ACTN3: variants seen among roughly 807,000 people sequenced by gnomAD.
The protein encoded by ACTN3 is actinin alpha 3.
Under a neutral mutation model 119.6 loss-of-function variants are expected in ACTN3, and 91 were observed. The observed-to-expected ratio is 0.76, with a 90% confidence interval of 0.64 to 0.91. The LOEUF (loss-of-function observed/expected upper bound fraction) is 0.91. Among genes scored for constraint, ACTN3 ranks in the 40% least tolerant of loss-of-function variants. The probability of loss-of-function intolerance (pLI) is 0.00; values close to 1 mark genes in which losing one functional copy is unlikely to be tolerated. For synonymous variants in ACTN3, 456 were observed against 478.8 expected (o/e 0.95, Z 0.62); for missense variants, 1,221 against 1,215.1 (o/e 1.00, Z -0.07).
In ACTN3 at chr11:66,562,344, C is replaced by T. The variant is rs1266108706; in HGVS notation, c.2388+22C>T. ...CCTGGTGAGAGCTCCCCAGCTCCTT[C>T]CCAGGAGTCCCAAAGTACCCCCTCC... is the stretch of plus-strand genomic sequence containing the variant. On this transcript the variant is annotated intron_variant, in intron 19 of 20. Coordinates refer to ENST00000513398, the MANE Select transcript of ACTN3 (RefSeq NM_001104.4). 1.9e-6 allele frequency: 3 copies of T among 1,610,906 alleles called. No individual in the cohort carries two copies. The African/African-American group carries it at 4.0e-5, about 22-fold the overall frequency.
chr11:66,554,079 C>T lies in ACTN3; in HGVS notation c.417C>T (p.Gly139=), dbSNP rs1233373546. 2 of 1,613,868 alleles carry T rather than the reference C, an allele frequency of 1.2e-6. No individual in the cohort carries two copies. The highest frequency in any genetic ancestry group is 2.2e-5 in the East Asian group (1 of 44,844). ...ACGGGAACCTGAAGATGACCCTGGG[C>T]ATGATCTGGACCATCATCCTTCGCT... ...IVDGNLKMTL[G]MIWTIILRFA... is the part of the protein sequence containing the mutation. The change falls in exon 4 of 21, where the codon GGC becomes GGT. Residue 139 remains glycine (G), a synonymous_variant. Transcript: ENST00000513398.
intron 11 of ACTN3, among the ~76,000 whole-genome samples, chr11:66,558,653 C>A (rs1857659906): frequency 6.6e-6 from 1 of 152,190 alleles, no homozygotes; most frequent in African/African-American, 2.4e-5. Flanking sequence ...CAGGAATGAG[C>A]CACCGCACAC....
chr11:66,556,892 C>G (rs1033989018), intron 8 of ACTN3, among the ~76,000 whole-genome samples: 1 of 152,132 alleles, frequency 6.6e-6, no homozygotes, highest in African/African-American at 2.4e-5. Context: ...TCCCAGGTAG[C>G]TGAGACTACA....
intron 19 of ACTN3, 155 bp downstream of exon 19, chr11:66,562,477 T>TTGGACCCAGTTCTGTG (rs1857803818): frequency 7.7e-6 from 3 of 389,646 alleles, no homozygotes. Flanking sequence ...TAAAACTCAC[T>TTGGACCCAGTTCTGTG]TGGACCCAGT....
intron 3 of ACTN3, among the ~76,000 whole-genome samples, chr11:66,552,851 G>GTCTCTCTCTC (rs564902238): frequency 9.1e-5 from 12 of 131,372 alleles, no homozygotes; most frequent in Middle Eastern, 4.0e-3. Context: ...GAGAGACTCT[G>GTCTCTCTCTC]TCTCTCTCTC....
chr11:66,562,379 A>C, intron 19 of ACTN3, 57 bp downstream of exon 19: 1 of 1,562,218 alleles, frequency 6.4e-7, no homozygotes, highest in Non-Finnish European at 8.8e-7. Flanking sequence ...CTCTGTGCTG[A>C]TCACCTACTG....
chr11:66,558,538 T>C (rs1857656189), intron 11 of ACTN3, among the ~76,000 whole-genome samples: 1 of 152,170 alleles, frequency 6.6e-6, no homozygotes, highest in Non-Finnish European at 1.5e-5. Context: ...CAGTAACTTT[T>C]TGTACTTTTT....
At chr11:66,552,876 TCTCTCACACACA>T (rs1857506316) in intron 3 of ACTN3, among the ~76,000 whole-genome samples, 5 of 71,820 alleles carry the variant, frequency 7.0e-5, no homozygotes, top group Admixed American at 5.2e-4. Context: ...TCTCTCTCTC[TCTCTCACACACA>T]CACACACACA....
intron 11 of ACTN3, among the ~76,000 whole-genome samples, chr11:66,558,615 A>G (rs1590809306): frequency 6.6e-6 from 1 of 151,866 alleles, no homozygotes; most frequent in Non-Finnish European, 1.5e-5. Context: ...TGATCCACCC[A>G]CCTCAGCCTC....
Position 66,546,951 on chromosome 11 carries a change from T to C in ACTN3, c.14T>C (p.Met5Thr), listed in dbSNP as rs1857358696. 1 of 1,536,142 alleles carries C rather than the reference T, an allele frequency of 6.5e-7. No individual in the cohort carries two copies. Among genetic ancestry groups the C allele is most frequent in the Non-Finnish European group, 8.7e-7 (1 of 1,146,802 alleles). The change falls in exon 1 of 21, where the codon ATG becomes ACG. Residue 5 changes from methionine (M) to threonine (T), a missense_variant. Around this residue, in one of 3 missense-constraint regions of ACTN3, gnomAD observed 239 missense variants for 231.8 expected, o/e 1.03. Coordinates refer to ENST00000513398, the MANE Select transcript of ACTN3 (RefSeq NM_001104.4). MMMVMQPEGLGAGEG... is the reference protein window; with the variant it reads MMMVTQPEGLGAGEG... ...AGCCCGATCGAGATGATGATGGTTA[T>C]GCAGCCCGAGGGTCTGGGGGCCGGG...
At chr11:66,558,236 C>T (rs1857648798) in intron 11 of ACTN3, 62 bp downstream of exon 11, 1 of 1,591,434 alleles carries the variant, frequency 6.3e-7, no homozygotes, top group Non-Finnish European at 8.5e-7. Flanking sequence ...TGTGCAGGGG[C>T]AGGAGGGGAG....
At chr11:66,561,023 G>GTTA (rs3837428) in intron 15 of ACTN3, among the ~76,000 whole-genome samples, 94,233 of 151,860 alleles carry the variant, frequency 0.62, 30,676 homozygotes, top group African/African-American at 0.83. Context: ...ACCCATATTA[G>GTTA]TAAATGATGC....
At chr11:66,557,373 T>G in intron 9 of ACTN3, 148 bp downstream of exon 9, 1 of 716,928 alleles carries the variant, frequency 1.4e-6, no homozygotes. Context: ...TCCCCACCCA[T>G]CACCTGCCCT....
Position 66,562,259 on chromosome 11 carries a change from G to A in ACTN3, c.2325G>A (p.Lys775=). 6.2e-7 allele frequency: 1 copy of A among 1,613,878 alleles called. No individual in the cohort carries two copies. Among genetic ancestry groups the A allele is most frequent in the Non-Finnish European group, 8.5e-7 (1 of 1,179,852 alleles). ...TGATAACCACTCACCCCCTACAGAA[G>A]CAGAATGGGATGATGGAGCCTGATG... The part of the protein sequence containing the change: ...FRASFNHFDR[K]QNGMMEPDDF... Residue 775 remains lysine, a splice_region_variant and synonymous_variant, in exon 19 of 21, where the codon AAG becomes AAA. Transcript: ENST00000513398.
rs1314002746 is a variant in ACTN3, at chr11:66,556,004, G to A, written c.719-141G>A. 18 of 707,058 alleles carry A rather than the reference G, an allele frequency of 2.5e-5. No individual in the cohort carries two copies. The Admixed American group carries it at 5.0e-4, about 19-fold the overall frequency. 43.8% of individuals were successfully genotyped at this position (707,058 alleles called of 1,614,324 possible). A position where few individuals can be genotyped will look rare whatever the true frequency, so the allele number is the denominator to read the frequency against. Reference sequence around the variant, plus strand: ...CTGGGGTAAGGAGAGAGGGCTTCAAGGAAGAGAAGACACTGGGCTTGGGTG... The same window carrying A: ...CTGGGGTAAGGAGAGAGGGCTTCAAAGAAGAGAAGACACTGGGCTTGGGTG... On this transcript the variant is annotated intron_variant, in intron 7 of 20. Coordinates refer to ENST00000513398, the MANE Select transcript of ACTN3 (RefSeq NM_001104.4).
At position 66,560,017 on chromosome 11, in the gene ACTN3, A is replaced by G. The variant is rs1787306140; in HGVS notation, c.1477A>G (p.Ile493Val). 1.2e-6 allele frequency: 2 copies of G among 1,604,580 alleles called. No homozygotes were observed. Among genetic ancestry groups the G allele is most frequent in the Non-Finnish European group, 8.5e-7 (1 of 1,177,066 alleles). ...CTCAGTGAATAGCCGCTGCCAGGCC[A>G]TCTGCGATCAGTGGGACAACCTGGG... ...AASVNSRCQA[I>V]CDQWDNLGTL... The change falls in exon 13 of 21, where the codon ATC becomes GTC. Residue 493 changes from isoleucine to valine, a missense_variant. Ile to Val is a conservative substitution (Grantham distance 29). Transcript: ENST00000513398.
At chr11:66,548,668 G>GCTC (rs1400914073) in intron 1 of ACTN3, among the ~76,000 whole-genome samples, 1 of 152,058 alleles carries the variant, frequency 6.6e-6, no homozygotes, top group East Asian at 1.9e-4. Flanking sequence ...GTTGCTCTAT[G>GCTC]CTCCCTTTCT....
Position 66,557,827 on chromosome 11 carries a change from T to A in ACTN3, c.1026T>A (p.Ile342=). The change falls in exon 10 of 21, where the codon ATT becomes ATA. Residue 342 remains isoleucine (I), a synonymous_variant. Transcript: ENST00000513398. ...GGCGTCTGCACAAGCCGCCCCGCAT[T>A]CAGGAAAAGTGCCAGCTGGAGATCA... ...DYRRLHKPPR[I]QEKCQLEINF... 1 of 1,614,100 alleles carries A rather than the reference T, an allele frequency of 6.2e-7. No individual in the cohort carries two copies. Among genetic ancestry groups the A allele is most frequent in the South Asian group, 1.1e-5 (1 of 91,072 alleles).
At chr11:66,555,023 C>T (rs1857558276) in intron 5 of ACTN3, 107 bp from the exon 6 acceptor site, 3 of 990,756 alleles carry the variant, frequency 3.0e-6, no homozygotes, top group Non-Finnish European at 4.7e-6. Context: ...TTGTACTTTA[C>T]TCCATTTTAC....
Sources: allele counts gnomAD v4.1 joint callset (sites outside exome capture counted in the v4.1 genomes callset), GRCh38; gene constraint gnomAD v4.1.1; regional missense constraint gnomAD v4.1.1; transcripts MANE v1.5; gene names NCBI Gene and HGNC (gene_info 2026-07-23, HGNC 2026-07-21).